ALAD: variants seen among roughly 807,000 people sequenced by gnomAD.
ALAD encodes the protein aminolevulinate dehydratase.
A neutral mutation model predicts 44.4 loss-of-function variants in ALAD; 20 were observed. That is an observed-to-expected ratio of 0.45 (90% CI 0.32 to 0.65). ALAD has a LOEUF of 0.65. Among genes scored for constraint, ALAD ranks in the 30% least tolerant of loss-of-function variants. The pLI, the probability that ALAD is intolerant of heterozygous loss-of-function variation, is 0.05. For missense variants in ALAD, 323 were observed against 445.7 expected (o/e 0.72, Z 2.48); for synonymous variants, 156 against 167.9 (o/e 0.93, Z 0.55).
intron 1 of ALAD, among the ~76,000 whole-genome samples, chr9:113,395,757 C>A (rs1197518926): frequency 6.6e-6 from 1 of 152,120 alleles, no homozygotes; most frequent in Non-Finnish European, 1.5e-5. Context: ...TCAGAAGAGG[C>A]ATATTAGAAG....
chr9:113,391,486 G>A, intron 4 of ALAD, 41 bp downstream of exon 4: 2 of 1,580,910 alleles, frequency 1.3e-6, no homozygotes, highest in South Asian at 1.1e-5. Flanking sequence ...TTACGGGCGT[G>A]AGCGCAACCT....
chr9:113,393,045 C>G, intron 2 of ALAD: 1 of 222,236 alleles, frequency 4.5e-6, no homozygotes, highest in Non-Finnish European at 9.3e-6. Flanking sequence ...GTCTCGATCT[C>G]CTGACCTCGT....
chr9:113,390,855 T>C lies in ALAD; in HGVS notation c.340A>G (p.Asn114Asp), dbSNP rs1277617884. Residue 114 changes from asparagine (N) to aspartate (D), a missense_variant, in exon 5 of 12, where the codon AAC becomes GAC. By Grantham distance (23) the Asn-to-Asp change is conservative. Transcript: ENST00000409155. ...AIHLLRKTFP[N>D]LLVACDVCLC... is the part of the protein sequence containing the mutation. The stretch of plus-strand genomic sequence containing the variant: ...CAGACATCACAGGCCACCAGGAGGT[T>C]GGGGAAGGTCTTCCTCAACAGATGG... 1.9e-6 allele frequency: 3 copies of C among 1,613,950 alleles called. No homozygotes were observed. The South Asian group carries it at 3.3e-5, about 18-fold the overall frequency.
At position 113,395,309 on chromosome 9, in the gene ALAD, G is replaced by A. The variant is rs368202356; in HGVS notation, c.-75-1675C>T. On this transcript the variant is annotated intron_variant, in intron 1 of 11. Transcript: ENST00000409155. ...GCTGTGCTCTCCCCACAGCCTCCCC[G>A]CACCCAAATCTACAGGGTTCTCCTT... 4.6e-5 allele frequency among the ~76,000 whole-genome samples: 7 copies of A among 151,992 alleles called. No homozygotes were observed. The South Asian group carries it at 6.2e-4, about 14-fold the overall frequency.
Position 113,390,878 on chromosome 9 carries a change from T to G in ALAD, c.317A>C (p.His106Pro). 6.2e-7 allele frequency: 1 copy of G among 1,614,134 alleles called. No homozygotes were observed. Residue 106 changes from histidine to proline, a missense_variant, in exon 5 of 12, where the codon CAT becomes CCT. By Grantham distance (77) the His-to-Pro change is moderately conservative. Transcript: ENST00000409155. The part of the protein sequence containing the change: ...SEESPAIEAI[H>P]LLRKTFPNLL... ...GTTGGGGAAGGTCTTCCTCAACAGA[T>G]GGATTGCCTCAATAGCTGGGGACTC... is the stretch of plus-strand genomic sequence containing the variant.
Position 113,389,491 on chromosome 9 carries a change from T to C in ALAD, c.748A>G (p.Met250Val), listed in dbSNP as rs769844027. The C allele has an allele frequency of 6.8e-6, 11 of 1,614,030 alleles. No individual in the cohort carries two copies. The highest frequency in any genetic ancestry group is 1.3e-5 in the African/African-American group (1 of 74,938). The stretch of plus-strand genomic sequence containing the variant: ...AGGTAGGGCATTCCCGGCTTCACCA[T>C]GAGCATGTCAGCTCCTTCCCGTACA... ...RDVREGADMLMVKPGMPYLDI... is the reference protein window; with the variant it reads ...RDVREGADMLVVKPGMPYLDI... The change falls in exon 10 of 12, where the codon ATG (methionine) becomes GTG (valine). Residue 250 changes from methionine (M) to valine (V), a missense_variant. Coordinates refer to ENST00000409155, the MANE Select transcript of ALAD (RefSeq NM_000031.6).
At chr9:113,393,421 G>A in intron 2 of ALAD, 26 bp downstream of exon 2, 1 of 1,463,022 alleles carries the variant, frequency 6.8e-7, no homozygotes, top group Non-Finnish European at 9.5e-7. Flanking sequence ...GCAGAGCAGA[G>A]GCCTGGCCCA....
At position 113,391,033 on chromosome 9, in the gene ALAD, T is replaced by C. The variant is rs543389926; in HGVS notation, c.262-100A>G. ...AGCATAGCCCTGGCCTTCTCCTTCC[T>C]TCATCATCACAGCCCCTGGATAAGG... On this transcript the variant is annotated intron_variant, in intron 4 of 11. Transcript: ENST00000409155. 201 of 1,496,192 alleles carry C rather than the reference T, an allele frequency of 1.3e-4. No homozygotes were observed. The African/African-American group carries it at 2.6e-3, about 19-fold the overall frequency. 92.7% of individuals were successfully genotyped at this position (1,496,192 alleles called of 1,614,324 possible).
At chr9:113,389,564 G>A in intron 9 of ALAD, 35 bp downstream of exon 9, 1 of 1,614,098 alleles carries the variant, frequency 6.2e-7, no homozygotes. Flanking sequence ...GCCTAGGAGG[G>A]GGCTGAGGGT....
chr9:113,392,064 C>T lies in ALAD; in HGVS notation c.164+55G>A, dbSNP rs1827600328. 7 of 1,492,178 alleles carry T rather than the reference C, an allele frequency of 4.7e-6. No individual in the cohort carries two copies. The Admixed American group carries it at 1.3e-4, about 29-fold the overall frequency. 92.4% of individuals were successfully genotyped at this position (1,492,178 alleles called of 1,614,324 possible). A position where few individuals can be genotyped will look rare whatever the true frequency, so the allele number is the denominator to read the frequency against. Reference sequence around the variant, plus strand: ...CTGCTTCTGCCTCCCAGCACTTCCACCTGTGGAATCTCTCCCTCCACCACC... The same window carrying T: ...CTGCTTCTGCCTCCCAGCACTTCCATCTGTGGAATCTCTCCCTCCACCACC... On this transcript the variant is annotated intron_variant, in intron 3 of 11. Coordinates refer to ENST00000409155, the MANE Select transcript of ALAD (RefSeq NM_000031.6).
intron 1 of ALAD, among the ~76,000 whole-genome samples, chr9:113,399,321 C>T (rs1588088953): frequency 6.6e-6 from 1 of 152,158 alleles, no homozygotes; most frequent in Non-Finnish European, 1.5e-5. Flanking sequence ...ACTTTTATTA[C>T]TATTAGGAGT....
chr9:113,400,832 T>C (rs1329628696), intron 1 of ALAD, among the ~76,000 whole-genome samples: 1 of 151,918 alleles, frequency 6.6e-6, no homozygotes, highest in Non-Finnish European at 1.5e-5. Flanking sequence ...CAAAAATAAA[T>C]AAATAAATAA....
chr9:113,387,713 AT>A lies in ALAD; in HGVS notation c.*586del, dbSNP rs1827437266. On this transcript the variant is annotated 3_prime_UTR_variant, in exon 12 of 12. Coordinates refer to ENST00000409155, the MANE Select transcript of ALAD (RefSeq NM_000031.6). ...CTCTGAGTTTTGATCCTCAGGCAGTATTTATGCTGGTTAATGAGTAATTCTT... is the reference window on the plus strand; with the variant it reads ...CTCTGAGTTTTGATCCTCAGGCAGTATTATGCTGGTTAATGAGTAATTCTT... 6.1e-6 allele frequency: 1 copy of A among 163,768 alleles called. No individual in the cohort carries two copies. The highest frequency in any genetic ancestry group is 1.3e-5 in the Non-Finnish European group (1 of 74,112). The allele number at this position is 163,768 out of a possible 1,614,324, so 10.1% of individuals were successfully genotyped here.
chr9:113,392,569 A>C, intron 2 of ALAD: 1 of 242,706 alleles, frequency 4.1e-6, no homozygotes, highest in Non-Finnish European at 8.2e-6. Context: ...TCATTCAACA[A>C]ATATTTATTG....
At chr9:113,390,735 T>A in intron 5 of ALAD, 59 bp from the exon 6 acceptor site, 9 of 1,600,698 alleles carry the variant, frequency 5.6e-6, no homozygotes, top group Non-Finnish European at 7.7e-6. Flanking sequence ...GTCCCCACCC[T>A]GTTGAGAAGT....
chr9:113,400,079 G>C (rs943548795), intron 1 of ALAD, among the ~76,000 whole-genome samples: 1 of 152,220 alleles, frequency 6.6e-6, no homozygotes, highest in Non-Finnish European at 1.5e-5. Context: ...TCTGGGGTTA[G>C]CCATTTAGAC....
intron 1 of ALAD, among the ~76,000 whole-genome samples, chr9:113,400,674 T>A (rs2119018513): frequency 6.6e-6 from 1 of 151,348 alleles, no homozygotes; most frequent in Middle Eastern, 3.4e-3. Flanking sequence ...AATACAAAAA[T>A]TAGCAGGCGT....
rs776646608 is a variant in ALAD, at chr9:113,389,480, C to T, written c.759G>A (p.Pro253=). 1.6e-5 allele frequency: 26 copies of T among 1,613,944 alleles called. No homozygotes were observed. Among genetic ancestry groups the T allele is most frequent in the Admixed American group, 8.3e-5 (5 of 60,008 alleles). ...REGADMLMVK[P]GMPYLDIVRE... is the part of the protein sequence containing the mutation. ...GCACGATGTCCAGGTAGGGCATTCC[C>T]GGCTTCACCATGAGCATGTCAGCTC... Residue 253 remains proline (P), a synonymous_variant, in exon 10 of 12, where the codon CCG becomes CCA. Transcript: ENST00000409155.
chr9:113,393,857 G>T (rs1175293239), intron 1 of ALAD, among the ~76,000 whole-genome samples: 1 of 152,018 alleles, frequency 6.6e-6, no homozygotes, highest in Non-Finnish European at 1.5e-5. Flanking sequence ...TAAAATTTGG[G>T]CTTGTATTTT....
Sources: allele counts gnomAD v4.1 joint callset (sites outside exome capture counted in the v4.1 genomes callset), GRCh38; gene constraint gnomAD v4.1.1; transcripts MANE v1.5; gene names NCBI Gene and HGNC (gene_info 2026-07-23, HGNC 2026-07-21).